Variants in ANTXR2 observed in about 807,000 individuals in gnomAD.
ANTXR2 encodes ANTXR cell adhesion molecule 2, also known as anthrax toxin receptor 2.
A neutral mutation model predicts 73.7 loss-of-function variants in ANTXR2; 44 were observed. The observed-to-expected ratio is 0.60, with a 90% confidence interval of 0.47 to 0.77. The LOEUF (loss-of-function observed/expected upper bound fraction) is 0.77. ANTXR2 is among the 30% of genes least tolerant of loss of function. The probability of loss-of-function intolerance (pLI) is 0.00; values close to 1 mark genes in which losing one functional copy is unlikely to be tolerated. For synonymous variants in ANTXR2, 217 were observed against 205.9 expected (o/e 1.05, Z -0.46); for missense variants, 604 against 592.5 (o/e 1.02, Z -0.20).
chr4:80,065,746 T>C (rs985576443), intron 3 of ANTXR2, among the ~76,000 whole-genome samples: 4 of 152,196 alleles, frequency 2.6e-5, no homozygotes, highest in Non-Finnish European at 4.4e-5. Context: ...TCATCTCTAC[T>C]AAGAATCTTC....
intron 16 of ANTXR2, among the ~76,000 whole-genome samples, chr4:79,935,404 G>T (rs1728222438): frequency 1.3e-5 from 2 of 151,388 alleles, no homozygotes; most frequent in South Asian, 4.2e-4. Context: ...GCCTGTGGGG[G>T]TATATCATGG....
intron 3 of ANTXR2, among the ~76,000 whole-genome samples, chr4:80,062,284 T>C (rs1270683352): frequency 6.6e-6 from 1 of 152,160 alleles, no homozygotes. Context: ...CCTACCAAAA[T>C]GTGGTACTCA....
intron 16 of ANTXR2, among the ~76,000 whole-genome samples, chr4:79,919,013 G>C (rs1339891179): frequency 6.6e-6 from 1 of 151,956 alleles, no homozygotes; most frequent in Admixed American, 6.6e-5. Flanking sequence ...GTTATTTCCT[G>C]AGCAAGCAAT....
At chr4:80,024,186 C>T (rs533244012) in intron 10 of ANTXR2, among the ~76,000 whole-genome samples, 1 of 152,216 alleles carries the variant, frequency 6.6e-6, no homozygotes, top group East Asian at 1.9e-4. Context: ...AAAAGGATGA[C>T]CTCAAAGTTT....
chr4:79,975,168 T>C (rs1460612272), intron 16 of ANTXR2, among the ~76,000 whole-genome samples: 2 of 152,206 alleles, frequency 1.3e-5, no homozygotes, highest in African/African-American at 4.8e-5. Context: ...ATGTTCATTC[T>C]ACATATCTCC....
chr4:79,909,857 TCA>T (rs1727057354), intron 16 of ANTXR2, among the ~76,000 whole-genome samples: 1 of 152,088 alleles, frequency 6.6e-6, no homozygotes, highest in African/African-American at 2.4e-5. Flanking sequence ...TGTTCAAGAG[TCA>T]CTGTTAAGCA....
At chr4:79,963,068 T>A (rs909932741) in intron 16 of ANTXR2, among the ~76,000 whole-genome samples, 3 of 152,138 alleles carry the variant, frequency 2.0e-5, no homozygotes, top group Admixed American at 2.0e-4. Flanking sequence ...ACCATCCAGA[T>A]GCTTATTATA....
chr4:80,023,890 C>T (rs143767633), intron 10 of ANTXR2, among the ~76,000 whole-genome samples: 2 of 152,288 alleles, frequency 1.3e-5, no homozygotes, highest in East Asian at 3.9e-4. Flanking sequence ...CATCTTTAGA[C>T]ATCTGGAATT....
rs953925340 is a variant in ANTXR2, at chr4:80,021,190, C to T, written c.867-2214G>A. ...AAAAAAAAGATGGTTTAGCTAAATC[C>T]AGAAGAGAATAAGAATTCCGGATGT... On this transcript the variant is annotated intron_variant, in intron 10 of 16. Transcript: ENST00000403729. 3.4e-5 allele frequency among the ~76,000 whole-genome samples: 5 copies of T among 149,062 alleles called. No individual in the cohort carries two copies. In the East Asian group the frequency reaches 1.0e-3, roughly 30 times the overall value.
intron 11 of ANTXR2, among the ~76,000 whole-genome samples, chr4:80,015,066 T>C (rs2110064286): frequency 6.6e-6 from 1 of 152,334 alleles, no homozygotes; most frequent in African/African-American, 2.4e-5. Flanking sequence ...ACATTAACTC[T>C]AAATTGTCCC....
chr4:79,990,402 A>AAAAC (rs1730412898), intron 12 of ANTXR2, among the ~76,000 whole-genome samples: 1 of 150,834 alleles, frequency 6.6e-6, no homozygotes, highest in African/African-American at 2.4e-5. Flanking sequence ...AAAAAAAAAA[A>AAAAC]CACCTTGTAA....
chr4:80,049,820 C>A (rs1038959978), intron 7 of ANTXR2, among the ~76,000 whole-genome samples: 2 of 151,744 alleles, frequency 1.3e-5, no homozygotes, highest in African/African-American at 2.4e-5. Context: ...CCAAATTTAA[C>A]GTTTTACTTC....
intron 10 of ANTXR2, among the ~76,000 whole-genome samples, chr4:80,026,754 C>T (rs7687189): frequency 0.59 from 89,465 of 151,934 alleles, 28,194 homozygotes; most frequent in East Asian, 0.93. Context: ...GACAGATCTT[C>T]CAATGTTTGG....
At chr4:80,032,950 T>C (rs1732767670) in intron 9 of ANTXR2, among the ~76,000 whole-genome samples, 1 of 151,064 alleles carries the variant, frequency 6.6e-6, no homozygotes, top group Non-Finnish European at 1.5e-5. Context: ...AAAAAGACTA[T>C]CTTCAATAAA....
intron 16 of ANTXR2, among the ~76,000 whole-genome samples, chr4:79,959,672 G>C (rs1026847689): frequency 6.6e-6 from 1 of 152,198 alleles, no homozygotes; most frequent in African/African-American, 2.4e-5. Context: ...CATCTGGTGA[G>C]GGATAGAGCA....
At chr4:80,023,542 C>T (rs1289751490) in intron 10 of ANTXR2, among the ~76,000 whole-genome samples, 1 of 152,022 alleles carries the variant, frequency 6.6e-6, no homozygotes, top group Non-Finnish European at 1.5e-5. Flanking sequence ...CAAAAGAATG[C>T]GATATTAAAT....
At position 79,902,580 on chromosome 4, in the gene ANTXR2, A is replaced by C. The variant is rs1452675136; in HGVS notation, c.*4849T>G. ...ACCCTATGAAACCAGAGTGAAGTACATGCATACATTTCCCAATGTTTTACC... is the reference window on the plus strand; with the variant it reads ...ACCCTATGAAACCAGAGTGAAGTACCTGCATACATTTCCCAATGTTTTACC... On this transcript the variant is annotated 3_prime_UTR_variant, in exon 17 of 17. Transcript: ENST00000403729. 2.0e-5 allele frequency: 3 copies of C among 152,190 alleles called. No individual in the cohort carries two copies. The highest frequency in any genetic ancestry group is 2.9e-5 in the Non-Finnish European group (2 of 68,032). The allele number at this position is 152,190 out of a possible 1,614,324, so 9.4% of individuals were successfully genotyped here.
At chr4:79,961,925 GTA>G (rs1171837770) in intron 16 of ANTXR2, among the ~76,000 whole-genome samples, 1 of 152,054 alleles carries the variant, frequency 6.6e-6, no homozygotes, top group Admixed American at 6.5e-5. Flanking sequence ...TACAGAAAAT[GTA>G]TATGACTCCA....
At chr4:80,056,617 A>C (rs918625558) in intron 3 of ANTXR2, among the ~76,000 whole-genome samples, 3 of 151,892 alleles carry the variant, frequency 2.0e-5, no homozygotes, top group African/African-American at 7.2e-5. Context: ...TATTTCATGA[A>C]TGAATGAAAA....
Sources: allele counts gnomAD v4.1 joint callset (sites outside exome capture counted in the v4.1 genomes callset), GRCh38; gene constraint gnomAD v4.1.1; transcripts MANE v1.5; gene names NCBI Gene and HGNC (gene_info 2026-07-23, HGNC 2026-07-21).